ZMYND11: variants seen among roughly 807,000 people sequenced by gnomAD.
The protein encoded by ZMYND11 is zinc finger MYND-type containing 11.
Under a neutral mutation model 84.9 loss-of-function variants are expected in ZMYND11, and 9 were observed. The observed-to-expected ratio is 0.11, with a 90% confidence interval of 0.06 to 0.18. ZMYND11 has a LOEUF of 0.18. Ranked by LOEUF, ZMYND11 falls within the 10% of genes least tolerant of loss-of-function variation. The pLI, the probability that ZMYND11 is intolerant of heterozygous loss-of-function variation, is 1.00. For missense variants in ZMYND11, 409 were observed against 761.0 expected (o/e 0.54, Z 5.44); for synonymous variants, 250 against 244.1 (o/e 1.02, Z -0.23).
chr10:214,753 C>G (rs898710112), intron 3 of ZMYND11, among the ~76,000 whole-genome samples: 1 of 152,132 alleles, frequency 6.6e-6, no homozygotes, highest in Non-Finnish European at 1.5e-5. Context: ...TAGAGCAAGA[C>G]ACATGGATGG....
At chr10:152,738 C>T (rs1156712232) in intron 1 of ZMYND11, among the ~76,000 whole-genome samples, 1 of 152,324 alleles carries the variant, frequency 6.6e-6, no homozygotes, top group Middle Eastern at 3.4e-3. Context: ...GAACTCTCCA[C>T]CCCAAATCAA....
intron 1 of ZMYND11, among the ~76,000 whole-genome samples, chr10:153,411 ATAT>A (rs1840901791): frequency 6.6e-6 from 1 of 152,228 alleles, no homozygotes; most frequent in South Asian, 2.1e-4. Flanking sequence ...TTGTTAGGAA[ATAT>A]TATAGCAGAT....
At chr10:183,762 G>C (rs540988406) in intron 2 of ZMYND11, among the ~76,000 whole-genome samples, 1 of 151,868 alleles carries the variant, frequency 6.6e-6, no homozygotes, top group East Asian at 1.9e-4. Context: ...GTCCATTTTC[G>C]ACATACCCCT....
At chr10:236,763 A>T in intron 4 of ZMYND11, 75 bp from the exon 5 acceptor site, 2 of 1,261,102 alleles carry the variant, frequency 1.6e-6, no homozygotes, top group Non-Finnish European at 2.3e-6. Flanking sequence ...AGTGTTTCAT[A>T]TATGTCTTTT....
chr10:130,593 C>A (rs1285792103), upstream of ZMYND11, among the ~76,000 whole-genome samples: 1 of 152,126 alleles, frequency 6.6e-6, no homozygotes, highest in Non-Finnish European at 1.5e-5. Flanking sequence ...ATATTATTCC[C>A]ATTTCACAGA....
At chr10:198,888 A>G (rs1021914103) in intron 2 of ZMYND11, among the ~76,000 whole-genome samples, 2 of 152,236 alleles carry the variant, frequency 1.3e-5, no homozygotes, top group African/African-American at 4.8e-5. Context: ...CACCTTAATC[A>G]AATCAGGAAT....
At chr10:142,865 A>G (rs12146291) in intron 1 of ZMYND11, among the ~76,000 whole-genome samples, 34,660 of 152,142 alleles carry the variant, frequency 0.23, 4,229 homozygotes, top group South Asian at 0.34. Context: ...TCTGAGAACA[A>G]GCATAGATAA....
chr10:179,921 A>T (rs1847473896), intron 1 of ZMYND11, 73 bp from the exon 2 acceptor site: 1 of 841,792 alleles, frequency 1.2e-6, no homozygotes, highest in Non-Finnish European at 1.9e-6. Context: ...GGTCCTGATA[A>T]TGTTACTCAC....
At chr10:236,951 A>G in intron 5 of ZMYND11, 36 bp downstream of exon 5, 2 of 1,571,230 alleles carry the variant, frequency 1.3e-6, no homozygotes, top group Non-Finnish European at 1.7e-6. Flanking sequence ...AAAATATCCC[A>G]AAACACATTT....
intron 13 of ZMYND11, 98 bp downstream of exon 13, chr10:248,706 C>T: frequency 1.4e-6 from 2 of 1,442,374 alleles, no homozygotes; most frequent in South Asian, 2.9e-5. Flanking sequence ...GCAGCTTTTA[C>T]ATGTAGCCAT....
chr10:225,383 T>C (rs1947940566), intron 4 of ZMYND11, among the ~76,000 whole-genome samples: 1 of 152,066 alleles, frequency 6.6e-6, no homozygotes, highest in Non-Finnish European at 1.5e-5. Flanking sequence ...CAGGATCTTG[T>C]TCTGTCACCC....
At chr10:152,960 T>G (rs1840770884) in intron 1 of ZMYND11, among the ~76,000 whole-genome samples, 1 of 152,254 alleles carries the variant, frequency 6.6e-6, no homozygotes, top group South Asian at 2.1e-4. Context: ...CCTGAATGAC[T>G]ACTGGGTACA....
chr10:151,817 A>C (rs1554757149), intron 1 of ZMYND11, among the ~76,000 whole-genome samples: 1 of 152,180 alleles, frequency 6.6e-6, no homozygotes. Flanking sequence ...GCCAATGAGA[A>C]AGGTTGGGTT....
chr10:132,068 AC>A (rs1554750009), upstream of ZMYND11, among the ~76,000 whole-genome samples: 1 of 152,098 alleles, frequency 6.6e-6, no homozygotes, highest in African/African-American at 2.4e-5. Flanking sequence ...ATAAGGAGAA[AC>A]CACAACCATA....
At chr10:186,796 A>C (rs1938669831) in intron 2 of ZMYND11, among the ~76,000 whole-genome samples, 2 of 152,050 alleles carry the variant, frequency 1.3e-5, no homozygotes, top group Admixed American at 1.3e-4. Flanking sequence ...AGGAGAACTT[A>C]TCTGTTCTGA....
At chr10:239,385 C>G (rs1022401951) in intron 6 of ZMYND11, 53 bp from the exon 7 acceptor site, 7 of 1,457,826 alleles carry the variant, frequency 4.8e-6, no homozygotes, top group South Asian at 1.2e-5. Context: ...TTAGTCCAGA[C>G]AAGTATTTTT....
At chr10:241,899 TAG>T (rs1019886333) in intron 9 of ZMYND11, 120 bp from the exon 10 acceptor site, 9 of 1,241,058 alleles carry the variant, frequency 7.3e-6, no homozygotes, top group Non-Finnish European at 1.0e-5. Flanking sequence ...CGTATGTGTT[TAG>T]GAGTTATGAA....
chr10:161,075 C>T (rs1251671802), intron 1 of ZMYND11, among the ~76,000 whole-genome samples: 1 of 151,558 alleles, frequency 6.6e-6, no homozygotes, highest in African/African-American at 2.4e-5. Flanking sequence ...GATCCTCCTG[C>T]CTCGGCCTCC....
intron 4 of ZMYND11, among the ~76,000 whole-genome samples, chr10:231,900 TTTC>T (rs1200872665): frequency 6.6e-6 from 1 of 152,206 alleles, no homozygotes; most frequent in Non-Finnish European, 1.5e-5. Flanking sequence ...TCATAGAATG[TTTC>T]TTTCTTGATG....
Sources: allele counts gnomAD v4.1 joint callset (sites outside exome capture counted in the v4.1 genomes callset), GRCh38; gene constraint gnomAD v4.1.1; transcripts MANE v1.5; gene names NCBI Gene and HGNC (gene_info 2026-07-23, HGNC 2026-07-21).